Variants in ACTG2 observed in about 807,000 individuals in gnomAD.
ACTG2 encodes actin, gamma-enteric smooth muscle.
In ACTG2, 16 loss-of-function variants were observed where a neutral mutation model predicts 37.6. The observed-to-expected ratio is 0.43, with a 90% CI of 0.29 to 0.65. ACTG2 has a LOEUF of 0.65. ACTG2 is among the 30% of genes least tolerant of loss of function. The probability of loss-of-function intolerance (pLI) is 0.18; values close to 1 mark genes in which losing one functional copy is unlikely to be tolerated. For missense variants in ACTG2, 238 were observed against 490.9 expected (o/e 0.48, Z 4.87); for synonymous variants, 181 against 179.9 (o/e 1.01, Z -0.05).
chr2:73,900,966 C>T (rs2104805301), intron 1 of ACTG2, among the ~76,000 whole-genome samples: 1 of 152,360 alleles, frequency 6.6e-6, no homozygotes, highest in Middle Eastern at 3.4e-3. Flanking sequence ...AGTAGTCATA[C>T]TGGATGACAG....
At chr2:73,911,776 C>T (rs1680145832) in intron 5 of ACTG2, among the ~76,000 whole-genome samples, 2 of 152,316 alleles carry the variant, frequency 1.3e-5, no homozygotes, top group Admixed American at 6.5e-5. Context: ...ACCAAAATGT[C>T]ATTATGTGGA....
chr2:73,913,578 C>G lies in ACTG2; in HGVS notation c.545C>G (p.Ala182Gly). The G allele has an allele frequency of 6.2e-7, 1 of 1,614,012 alleles. No individual in the cohort carries two copies. The highest frequency in any genetic ancestry group is 8.5e-7 in the Non-Finnish European group (1 of 1,179,946). ...LPHAIMRLDL[A>G]GRDLTDYLMK... Reference sequence around the variant, plus strand: ...CATGCCATCATGCGCCTGGACTTGGCTGGCCGTGACCTCACGGACTACCTC... The same window carrying G: ...CATGCCATCATGCGCCTGGACTTGGGTGGCCGTGACCTCACGGACTACCTC... Residue 182 changes from alanine (A) to glycine (G), a missense_variant, in exon 6 of 9, where the codon GCT becomes GGT. Transcript: ENST00000345517.
At chr2:73,919,389 C>A in intron 8 of ACTG2, 43 bp from the exon 9 acceptor site, 1 of 1,589,688 alleles carries the variant, frequency 6.3e-7, no homozygotes, top group Non-Finnish European at 8.6e-7. Flanking sequence ...CTTGCTTATT[C>A]CCTTGGGGAC....
In ACTG2 at chr2:73,909,042, A is replaced by G. The variant is rs1309614227; in HGVS notation, c.367-13A>G. 2 of 1,612,850 alleles carry G rather than the reference A, an allele frequency of 1.2e-6. No individual in the cohort carries two copies. The highest frequency in any genetic ancestry group is 1.7e-6 in the Non-Finnish European group (2 of 1,178,856). The stretch of plus-strand genomic sequence containing the variant: ...TTTGCCAAATAATCTTTTATTCTTC[A>G]TTGTCCTTTAAGATCATGTTTGAAA... On this transcript the variant is annotated splice_polypyrimidine_tract_variant and intron_variant, in intron 4 of 8. Coordinates refer to ENST00000345517, the MANE Select transcript of ACTG2 (RefSeq NM_001615.4).
chr2:73,894,225 C>T (rs368416888), intron 1 of ACTG2, among the ~76,000 whole-genome samples: 2 of 152,152 alleles, frequency 1.3e-5, no homozygotes, highest in East Asian at 1.9e-4. Flanking sequence ...TCCTAACAAG[C>T]TCCCAGGCGA....
intron 5 of ACTG2, among the ~76,000 whole-genome samples, chr2:73,909,529 T>A (rs1263544978): frequency 6.6e-6 from 1 of 152,186 alleles, no homozygotes; most frequent in Non-Finnish European, 1.5e-5. Flanking sequence ...GGTGACTTTG[T>A]CACTGTGGGA....
intron 3 of ACTG2, chr2:73,908,267 T>C (rs918950427): frequency 2.1e-6 from 1 of 471,162 alleles, no homozygotes; most frequent in African/African-American, 2.0e-5. Flanking sequence ...GACCCTGACT[T>C]CTTTTGCCCT....
At chr2:73,910,021 C>G (rs1457669944) in intron 5 of ACTG2, among the ~76,000 whole-genome samples, 1 of 152,042 alleles carries the variant, frequency 6.6e-6, no homozygotes, top group Non-Finnish European at 1.5e-5. Context: ...TCCAGACCAG[C>G]CTGGCCAACA....
At chr2:73,902,329 T>G in intron 2 of ACTG2, 31 bp from the exon 3 acceptor site, 1 of 1,611,060 alleles carries the variant, frequency 6.2e-7, no homozygotes, top group African/African-American at 1.3e-5. Flanking sequence ...CCTCAGCCAT[T>G]CATTTCTCTT....
chr2:73,916,257 T>C (rs1404217616), intron 7 of ACTG2, among the ~76,000 whole-genome samples: 1 of 151,634 alleles, frequency 6.6e-6, no homozygotes, highest in Non-Finnish European at 1.5e-5. Flanking sequence ...GTGCTTGTAA[T>C]CCCAGCTACT....
rs1482222817 is a variant in ACTG2, at chr2:73,905,299, G to C, written c.255+2811G>C. ...GAGCATTTAATCAAATTTCTGGTAA[G>C]AGTGGTCATAGAGAAAAAGAATGAC... On this transcript the variant is annotated intron_variant, in intron 3 of 8. Coordinates refer to ENST00000345517, the MANE Select transcript of ACTG2 (RefSeq NM_001615.4). 6.6e-5 allele frequency among the ~76,000 whole-genome samples: 10 copies of C among 152,218 alleles called. 1 individual carries two copies. The highest frequency in any genetic ancestry group is 2.0e-4 in the Admixed American group (3 of 15,290).
chr2:73,900,107 C>G (rs545255554), intron 1 of ACTG2, among the ~76,000 whole-genome samples: 1 of 152,158 alleles, frequency 6.6e-6, no homozygotes, highest in Non-Finnish European at 1.5e-5. Flanking sequence ...CCCCTCTCCC[C>G]GCTCCATGCC....
chr2:73,916,899 C>A, intron 8 of ACTG2, 134 bp downstream of exon 8: 1 of 1,016,286 alleles, frequency 9.8e-7, no homozygotes, highest in South Asian at 1.8e-5. Flanking sequence ...GGACTGGAGC[C>A]AATTTTATCC....
In ACTG2 at chr2:73,913,626, G is replaced by C; in HGVS notation, c.593G>C (p.Gly198Ala). The C allele has an allele frequency of 6.2e-7, 1 of 1,612,780 alleles. No individual in the cohort carries two copies. The highest frequency in any genetic ancestry group is 8.5e-7 in the Non-Finnish European group (1 of 1,179,270). The change falls in exon 6 of 9, where the codon GGC (glycine) becomes GCC (alanine). Residue 198 changes from glycine (G) to alanine (A), a missense_variant. Physicochemically the swap from Gly to Ala is moderately conservative, Grantham distance 60. Transcript: ENST00000345517. ...DYLMKILTERGYSFVTTAERE... is the reference protein window; with the variant it reads ...DYLMKILTERAYSFVTTAERE... ...CTCATGAAGATCCTCACAGAGAGAG[G>C]CTATTCCTTTGTGACCACAGGTATC...
At position 73,904,655 on chromosome 2, in the gene ACTG2, A is replaced by G. The variant is rs1679969142; in HGVS notation, c.255+2167A>G. 3.1e-5 allele frequency among the ~76,000 whole-genome samples: 3 copies of G among 97,778 alleles called. No homozygotes were observed. The Admixed American group carries it at 3.9e-4, about 13-fold the overall frequency. The allele number at this position is 97,778 out of a possible 152,430, so 64.1% of individuals were successfully genotyped here. A position where few individuals can be genotyped will look rare whatever the true frequency, so the allele number is the denominator to read the frequency against. On this transcript the variant is annotated intron_variant, in intron 3 of 8. Coordinates refer to ENST00000345517, the MANE Select transcript of ACTG2 (RefSeq NM_001615.4). The stretch of plus-strand genomic sequence containing the variant: ...CCTGGGCAACAGAGTGAGACCCTAT[A>G]TATATTTTTTTTTAAAAATGTATAT...
intron 3 of ACTG2, among the ~76,000 whole-genome samples, chr2:73,904,763 GTGTGTGTGTGTGTGTATATA>G (rs1271971376): frequency 6.9e-5 from 4 of 58,362 alleles, no homozygotes; most frequent in African/African-American, 7.8e-5. Flanking sequence ...GTGTGTGTGT[GTGTGTGTGTGTGTGTATATA>G]TATATATATA....
Position 73,919,341 on chromosome 2 carries a change from G to T in ACTG2, c.988-91G>T, listed in dbSNP as rs1024925611. 6.9e-6 allele frequency: 10 copies of T among 1,444,272 alleles called. No homozygotes were observed. In the Admixed American group the frequency reaches 1.4e-4, roughly 20 times the overall value. The allele number at this position is 1,444,272 out of a possible 1,614,324, so 89.5% of individuals were successfully genotyped here. On this transcript the variant is annotated intron_variant, in intron 8 of 8. Transcript: ENST00000345517. ...TTCTCCTGTTCTTTTCTGACCATGG[G>T]GCTCCCCTTTTCTGGGATAAGTAGA...
intron 5 of ACTG2, among the ~76,000 whole-genome samples, chr2:73,913,170 C>CAAAAAAAAA (rs58764001): frequency 5.9e-5 from 6 of 102,452 alleles, no homozygotes; most frequent in Admixed American, 1.2e-4. Context: ...ACTCTGTCTC[C>CAAAAAAAAA]AAAAAAAAAA....
At chr2:73,902,550 T>A in intron 3 of ACTG2, 62 bp downstream of exon 3, 34 of 1,601,968 alleles carry the variant, frequency 2.1e-5, no homozygotes, top group Non-Finnish European at 2.9e-5. Flanking sequence ...ATGACCCTCG[T>A]ATTCATAGGC....
Sources: allele counts gnomAD v4.1 joint callset (sites outside exome capture counted in the v4.1 genomes callset), GRCh38; gene constraint gnomAD v4.1.1; transcripts MANE v1.5; gene names NCBI Gene and HGNC (gene_info 2026-07-23, HGNC 2026-07-21).